Variants in B3GALNT2 observed in about 807,000 individuals in gnomAD.
The protein encoded by B3GALNT2 is beta-1,3-N-acetylgalactosaminyltransferase 2, also known as UDP-GalNAc:beta-1,3-N-acetylgalactosaminyltransferase 2.
A neutral mutation model predicts 61.1 loss-of-function variants in B3GALNT2; 53 were observed. The ratio of observed to expected loss-of-function variants is 0.87; its 90% CI spans 0.70 to 1.09. The LOEUF (loss-of-function observed/expected upper bound fraction) is 1.09, where lower values mean the gene tolerates loss of function less well. Ranked by LOEUF, B3GALNT2 falls within the 50% of genes least tolerant of loss-of-function variation. B3GALNT2 has a pLI of 0.00. For missense variants in B3GALNT2, 544 were observed against 623.0 expected, an observed-to-expected ratio of 0.87 and a Z score of 1.35; for synonymous variants, 223 against 237.4, an observed-to-expected ratio of 0.94 and a Z score of 0.56.
the B3GALNT2 span, chr1:235,441,655 A>G: frequency 1.5e-6 from 1 of 654,344 alleles, no homozygotes; most frequent in East Asian, 2.8e-5. Context: ...GTCGTTGTCC[A>G]TCACTCCTAA....
chr1:235,479,645 C>T (rs1225424263), intron 5 of B3GALNT2: 3 of 157,416 alleles, frequency 1.9e-5, no homozygotes, highest in Non-Finnish European at 4.2e-5. Context: ...TGGCCCATCT[C>T]TATCATTAAC....
In B3GALNT2 at chr1:235,465,751, T is replaced by C; in HGVS notation, c.763-37A>G. 5 of 1,602,564 alleles carry C rather than the reference T, an allele frequency of 3.1e-6. No homozygotes were observed. The South Asian group carries it at 4.5e-5, about 14-fold the overall frequency. On this transcript the variant is annotated intron_variant, in intron 6 of 11. Transcript: ENST00000366600. ...AAGAATGTACTCAGTGATTCATTAC[T>C]AAAAATACACTGATCATATTTTAAA...
chr1:235,450,599 C>T lies in B3GALNT2; in HGVS notation c.1369-259G>A, dbSNP rs116100066. 414 of 410,084 alleles carry T rather than the reference C, an allele frequency of 1.0e-3. 2 individuals are homozygous for T. The highest frequency in any genetic ancestry group is 7.8e-3 in the African/African-American group (389 of 50,038). 25.4% of individuals were successfully genotyped at this position (410,084 alleles called of 1,614,324 possible). A position where few individuals can be genotyped will look rare whatever the true frequency, so the allele number is the denominator to read the frequency against. On this transcript the variant is annotated intron_variant, in intron 11 of 11. Transcript: ENST00000366600. Reference sequence around the variant, plus strand: ...AAGAGTTAGTCAACAAATGCCATTCCGTAATGAACGATTTTAGAAACCACA... The same window carrying T: ...AAGAGTTAGTCAACAAATGCCATTCTGTAATGAACGATTTTAGAAACCACA...
chr1:235,498,793 A>G lies in B3GALNT2; in HGVS notation c.113-3965T>C, dbSNP rs959589463. Among the ~76,000 whole-genome samples the G allele has an allele frequency of 2.6e-4, 36 of 137,092 alleles. No homozygotes were observed. In the Admixed American group the frequency reaches 2.7e-3, roughly 10 times the overall value. 89.9% of individuals were successfully genotyped at this position (137,092 alleles called of 152,430 possible). A position where few individuals can be genotyped will look rare whatever the true frequency, so the allele number is the denominator to read the frequency against. ...TGGGAGGCAGAGGTTGCAGTCAGCC[A>G]AGATCCCGCCACTGCTCTCCAGTCT... On this transcript the variant is annotated intron_variant, in intron 1 of 11. Transcript: ENST00000366600.
At chr1:235,458,578 G>A in intron 8 of B3GALNT2, 25 bp downstream of exon 8, 2 of 1,549,462 alleles carry the variant, frequency 1.3e-6, no homozygotes, top group East Asian at 2.3e-5. Context: ...ACAAGTTCTA[G>A]CTACCCAACA....
chr1:235,443,165 T>TAC (rs759694992), downstream of B3GALNT2, among the ~76,000 whole-genome samples: 4,403 of 148,450 alleles, frequency 0.03, 159 homozygotes, highest in African/African-American at 0.086. Context: ...TGCATATAAT[T>TAC]ACACACACAC....
At chr1:235,494,970 T>C (rs1558441864) in intron 1 of B3GALNT2, 142 bp from the exon 2 acceptor site, 3 of 883,534 alleles carry the variant, frequency 3.4e-6, no homozygotes, top group South Asian at 3.9e-5. Flanking sequence ...TTAAATCACA[T>C]ATGAACCCAC....
In B3GALNT2 at chr1:235,484,439, G is replaced by A. The variant is rs1277102511; in HGVS notation, c.438C>T (p.Ser146=). The change falls in exon 4 of 12, where the codon AGC becomes AGT. Residue 146 remains serine (S), a synonymous_variant. Coordinates refer to ENST00000366600, the MANE Select transcript of B3GALNT2 (RefSeq NM_152490.5). ...SSGLPEDRVV[S]VSFRVLYPIV... Reference sequence around the variant, plus strand: ...TGGGGTAGAGAACTCGGAAACTCACGCTGACAACTCGATCCTCAGGCAGCC... The same window carrying A: ...TGGGGTAGAGAACTCGGAAACTCACACTGACAACTCGATCCTCAGGCAGCC... 8.1e-6 allele frequency: 13 copies of A among 1,614,186 alleles called. 1 individual carries two copies. Among genetic ancestry groups the A allele is most frequent in the Admixed American group, 5.0e-5 (3 of 60,018 alleles).
intron 1 of B3GALNT2, among the ~76,000 whole-genome samples, chr1:235,502,201 C>T (rs565800555): frequency 4.6e-5 from 7 of 152,246 alleles, no homozygotes; most frequent in South Asian, 2.1e-4. Context: ...TTAGTAGAGA[C>T]GGGGTTTCGC....
chr1:235,461,428 A>G (rs1333395030), intron 7 of B3GALNT2, among the ~76,000 whole-genome samples: 1 of 150,602 alleles, frequency 6.6e-6, no homozygotes, highest in Admixed American at 6.6e-5. Context: ...TATATTTTTA[A>G]TGGCCACTGC....
downstream of B3GALNT2, chr1:235,443,006 T>C: frequency 8.1e-7 from 1 of 1,233,206 alleles, no homozygotes. Context: ...TGTCTCAAAG[T>C]GTGGACCTCA....
At position 235,454,280 on chromosome 1, in the gene B3GALNT2, T is replaced by C. The variant is rs898996974; in HGVS notation, c.1187A>G (p.Lys396Arg). Residue 396 changes from lysine (K) to arginine (R), a missense_variant, in exon 10 of 12, where the codon AAG becomes AGG. Lys to Arg is a conservative substitution (Grantham distance 26). Transcript: ENST00000366600. ...GCTCGGGTACTCCAACTCCTGCCACTTTCCGGTTCGGTCAACTGCCCAATT... is the reference window on the plus strand; with the variant it reads ...GCTCGGGTACTCCAACTCCTGCCACCTTCCGGTTCGGTCAACTGCCCAATT... Reference protein sequence around the residue: ...RLNWAVDRTGKWQELEYPSPA... With the variant: ...RLNWAVDRTGRWQELEYPSPA... The C allele has an allele frequency of 3.1e-6, 5 of 1,613,508 alleles. No homozygotes were observed. Among genetic ancestry groups the C allele is most frequent in the Admixed American group, 3.3e-5 (2 of 59,984 alleles).
chr1:235,484,294 G>A (rs780984866), intron 4 of B3GALNT2, 28 bp downstream of exon 4: 1 of 1,537,598 alleles, frequency 6.5e-7, no homozygotes, highest in Non-Finnish European at 8.7e-7. Context: ...AGAAAAAAGA[G>A]AAAAAACCTG....
chr1:235,442,008 A>AAT, the B3GALNT2 span: 8 of 596,500 alleles, frequency 1.3e-5, no homozygotes, highest in Non-Finnish European at 2.2e-5. Context: ...TTAAATGAAA[A>AAT]TTTTTTTTTT....
chr1:235,484,702 A>C, intron 3 of B3GALNT2, 187 bp from the exon 4 acceptor site: 4 of 1,145,468 alleles, frequency 3.5e-6, no homozygotes, highest in Non-Finnish European at 4.7e-6. Context: ...TTTGAAATTT[A>C]AGAATAAAGT....
intron 4 of B3GALNT2, among the ~76,000 whole-genome samples, chr1:235,481,316 C>T (rs1398602888): frequency 1.3e-5 from 2 of 152,140 alleles, no homozygotes; most frequent in Non-Finnish European, 2.9e-5. Flanking sequence ...CTGAACCAAA[C>T]TACTTGATTG....
intron 3 of B3GALNT2, 102 bp downstream of exon 3, chr1:235,489,066 A>G (rs1684938876): frequency 7.2e-7 from 1 of 1,384,094 alleles, no homozygotes; most frequent in Non-Finnish European, 9.5e-7. Flanking sequence ...ACATAATAAA[A>G]TAAAATAATA....
chr1:235,488,692 CAAAAAAAAA>C (rs11436508), intron 3 of B3GALNT2, among the ~76,000 whole-genome samples: 28 of 38,020 alleles, frequency 7.4e-4, no homozygotes, highest in Admixed American at 1.5e-3. Flanking sequence ...ACTCCATCTC[CAAAAAAAAA>C]AAAAAAAAAA....
chr1:235,447,189 A>G (rs994808469), downstream of B3GALNT2, among the ~76,000 whole-genome samples: 2 of 152,214 alleles, frequency 1.3e-5, no homozygotes, highest in Non-Finnish European at 2.9e-5. Context: ...TATTAACTGT[A>G]TTCAATACAT....
Sources: allele counts gnomAD v4.1 joint callset (sites outside exome capture counted in the v4.1 genomes callset), GRCh38; gene constraint gnomAD v4.1.1; transcripts MANE v1.5; gene names NCBI Gene and HGNC (gene_info 2026-07-23, HGNC 2026-07-21).